Variants in KNL1 observed in about 807,000 individuals in gnomAD.
KNL1 encodes outer kinetochore KNL1 complex subunit KNL1.
A neutral mutation model predicts 201.3 loss-of-function variants in KNL1; 66 were observed. The ratio of observed to expected loss-of-function variants is 0.33; its 90% confidence interval spans 0.27 to 0.40. The LOEUF (loss-of-function observed/expected upper bound fraction) is 0.40, where lower values mean the gene tolerates loss of function less well. Ranked by LOEUF, KNL1 falls within the 10% of genes least tolerant of loss-of-function variation. The pLI is 1.00. For synonymous variants in KNL1, 895 were observed against 899.2 expected (o/e 1.00, Z 0.08); for missense variants, 2,815 against 2,690.5 (o/e 1.05, Z -1.02).
chr15:40,638,778 C>T (rs1893133410), intron 13 of KNL1, among the ~76,000 whole-genome samples: 2 of 151,914 alleles, frequency 1.3e-5, no homozygotes, highest in Non-Finnish European at 2.9e-5. Context: ...CAGGCGTGAG[C>T]CACCGCGCTG....
At chr15:40,605,364 C>G (rs773325218) in intron 3 of KNL1, among the ~76,000 whole-genome samples, 2 of 152,100 alleles carry the variant, frequency 1.3e-5, no homozygotes, top group Non-Finnish European at 2.9e-5. Context: ...GAATTTTATG[C>G]TATGTAAGTT....
chr15:40,629,445 G>A (rs1454183433), intron 13 of KNL1, 74 bp downstream of exon 13: 11 of 676,708 alleles, frequency 1.6e-5, no homozygotes, highest in Non-Finnish European at 2.1e-5. Flanking sequence ...GAATGGAAGA[G>A]AGCAAATTTT....
chr15:40,646,508 AAT>A (rs1172038579), intron 16 of KNL1, among the ~76,000 whole-genome samples: 2 of 151,940 alleles, frequency 1.3e-5, no homozygotes, highest in African/African-American at 4.8e-5. Context: ...ATTTTAATAA[AAT>A]TTACTTTTAT....
chr15:40,598,803 T>A (rs1428680657), intron 1 of KNL1, among the ~76,000 whole-genome samples: 1 of 152,116 alleles, frequency 6.6e-6, no homozygotes, highest in Non-Finnish European at 1.5e-5. Context: ...TAAAAAGAAA[T>A]TTTTTTAAAT....
At position 40,624,543 on chromosome 15, in the gene KNL1, A is replaced by C; in HGVS notation, c.4279A>C (p.Lys1427Gln). Residue 1427 changes from lysine (K) to glutamine (Q), a missense_variant, in exon 10 of 26, where the codon AAG becomes CAG. Coordinates refer to ENST00000399668, the MANE Select transcript of KNL1 (RefSeq NM_144508.5). ...NSKRVSFKLP[K>Q]DQMKVYVDDI... ...AAAGCGAGTATCTTTTAAGCTTCCA[A>C]AGGATCAAATGAAAGTCTATGTTGA... 1 of 1,613,866 alleles carries C rather than the reference A, an allele frequency of 6.2e-7. No individual in the cohort carries two copies. Among genetic ancestry groups the C allele is most frequent in the South Asian group, 1.1e-5 (1 of 91,074 alleles).
chr15:40,641,381 A>G (rs918979966), intron 14 of KNL1, among the ~76,000 whole-genome samples: 5 of 152,202 alleles, frequency 3.3e-5, no homozygotes, highest in Admixed American at 2.6e-4. Flanking sequence ...ATAAACAGTA[A>G]TTTTTAGATT....
At chr15:40,630,975 G>T (rs12912635) in intron 13 of KNL1, among the ~76,000 whole-genome samples, 58,709 of 151,648 alleles carry the variant, frequency 0.39, 11,559 homozygotes, top group Middle Eastern at 0.47. Context: ...AAAATTAGCT[G>T]GGCATGGTGG....
chr15:40,659,557 A>G (rs975906800), intron 25 of KNL1, 96 bp downstream of exon 25: 118 of 1,100,122 alleles, frequency 1.1e-4, no homozygotes, highest in Non-Finnish European at 1.4e-4. Context: ...TAGTGGCGCA[A>G]TCTCGGCTCA....
rs148162750 is a variant in KNL1 at position 40,648,720 on chromosome 15, A to G, written c.6095-1581A>G. Among the ~76,000 whole-genome samples the G allele has an allele frequency of 2.4e-3, 366 of 151,944 alleles. 2 individuals carry two copies. The highest frequency in any genetic ancestry group is 0.01 in the Middle Eastern group (3 of 294). On this transcript the variant is annotated intron_variant, in intron 17 of 25. Coordinates refer to ENST00000399668, the MANE Select transcript of KNL1 (RefSeq NM_144508.5). ...CATTATTCCACCTTCTTCCATTCCA[A>G]CCTGCACATTGCTGCCAGATTAATA...
At position 40,664,071 on chromosome 15, in the gene KNL1, G is replaced by C. The variant is rs1026556492; in HGVS notation, c.*1883G>C. 2.7e-5 allele frequency: 5 copies of C among 184,514 alleles called. No individual in the cohort carries two copies. The highest frequency in any genetic ancestry group is 1.2e-4 in the African/African-American group (5 of 42,592). The allele number at this position is 184,514 out of a possible 1,614,324, so 11.4% of individuals were successfully genotyped here. On this transcript the variant is annotated 3_prime_UTR_variant, in exon 26 of 26. Coordinates refer to ENST00000399668, the MANE Select transcript of KNL1 (RefSeq NM_144508.5). ...GAAACTTAAGTTAGCTTTCTTATTG[G>C]AGTTATTTCTTTTCTGTAAGTCTGA...
rs187703147 is a variant in KNL1, at chr15:40,636,129, C to T, written c.5683-4783C>T. Among the ~76,000 whole-genome samples the T allele has an allele frequency of 5.9e-5, 9 of 152,346 alleles. No homozygotes were observed. The East Asian group carries it at 1.5e-3, about 26-fold the overall frequency. ...CTGGGATTACAGGCGTGAGCCACCG[C>T]ACCCAGCTGGTTGAGAAATTATTGC... On this transcript the variant is annotated intron_variant, in intron 13 of 25. Coordinates refer to ENST00000399668, the MANE Select transcript of KNL1 (RefSeq NM_144508.5).
Position 40,625,332 on chromosome 15 carries a change from T to A in KNL1, c.5068T>A (p.Ser1690Thr), listed in dbSNP as rs768589201. The change falls in exon 10 of 26, where the codon TCT becomes ACT. Residue 1690 changes from serine (S) to threonine (T), a missense_variant. Physicochemically the swap from Ser to Thr is moderately conservative, Grantham distance 58. Transcript: ENST00000399668. ...AAATCACTTAGAAACTCAGCCGGTC[T>A]CTAGCAAAGATTCAGGCATTGGATC... ...DINHLETQPV[S>T]SKDSGIGSVA... 2.7e-5 allele frequency: 44 copies of A among 1,614,024 alleles called. No homozygotes were observed. The highest frequency in any genetic ancestry group is 3.6e-5 in the Non-Finnish European group (42 of 1,179,994).
chr15:40,647,129 T>G, intron 17 of KNL1, 55 bp downstream of exon 17: 2 of 853,674 alleles, frequency 2.3e-6, no homozygotes, highest in Non-Finnish European at 4.0e-6. Context: ...CTAAATGCTC[T>G]CCTACAGTAG....
At chr15:40,639,328 G>A (rs1427443628) in intron 13 of KNL1, among the ~76,000 whole-genome samples, 3 of 150,768 alleles carry the variant, frequency 2.0e-5, no homozygotes, top group Non-Finnish European at 3.0e-5. Context: ...GCTCATGTCT[G>A]TAATCCCAGC....
At chr15:40,641,049 TG>T in intron 14 of KNL1, 22 bp downstream of exon 14, 2 of 1,507,226 alleles carry the variant, frequency 1.3e-6, no homozygotes, top group Non-Finnish European at 1.8e-6. Context: ...TTAATTTTTA[TG>T]TGTGTTTTTT....
Position 40,621,602 on chromosome 15 carries a change from G to A in KNL1, c.1338G>A (p.Met446Ile), listed in dbSNP as rs1391300198. Residue 446 changes from methionine (M) to isoleucine (I), a missense_variant, in exon 10 of 26, where the codon ATG becomes ATA. By Grantham distance (10) the Met-to-Ile change is conservative (BLOSUM62 1). This residue lies in a region of KNL1 where 2,464 missense variants were observed against 2,291.7 expected (regional missense o/e 1.08). Transcript: ENST00000399668. ...AMEMTKCLSN[M>I]REEKNLLKHD... is the part of the protein sequence containing the mutation. ...AAATGACCAAATGTCTCTCAAATATGAGAGAGGAGAAAAATTTGCTAAAGC... is the reference window on the plus strand; with the variant it reads ...AAATGACCAAATGTCTCTCAAATATAAGAGAGGAGAAAAATTTGCTAAAGC... The A allele has an allele frequency of 2.2e-5, 35 of 1,610,842 alleles. No individual in the cohort carries two copies. Among genetic ancestry groups the A allele is most frequent in the Non-Finnish European group, 2.5e-5 (30 of 1,178,674 alleles).
rs1373809811 is a variant in KNL1, at chr15:40,662,793, C to T, written c.*605C>T. On this transcript the variant is annotated 3_prime_UTR_variant, in exon 26 of 26. Transcript: ENST00000399668. ...TGGGCAACATGGCAAAACCCCACCT[C>T]TACAAAAAATACGAAAGTTAGCCAG... 1 of 176,808 alleles carries T rather than the reference C, an allele frequency of 5.7e-6. No homozygotes were observed. The highest frequency in any genetic ancestry group is 1.2e-5 in the Non-Finnish European group (1 of 82,296). The allele number at this position is 176,808 out of a possible 1,614,324, so 11.0% of individuals were successfully genotyped here.
chr15:40,609,965 G>A (rs1892101160), intron 5 of KNL1, among the ~76,000 whole-genome samples: 1 of 152,162 alleles, frequency 6.6e-6, no homozygotes, highest in Non-Finnish European at 1.5e-5. Flanking sequence ...CTTTAACCTG[G>A]GAGATTGAGG....
intron 1 of KNL1, among the ~76,000 whole-genome samples, chr15:40,599,258 A>G (rs1891710042): frequency 6.7e-6 from 1 of 149,634 alleles, no homozygotes; most frequent in African/African-American, 2.5e-5. Context: ...GGTTGCAGTG[A>G]GCCAAAATTG....
Sources: gnomAD v4.1 joint callset for allele counts (sites outside exome capture counted in the v4.1 genomes callset) on GRCh38, gnomAD v4.1.1 for gene constraint, gnomAD v4.1.1 regional missense constraint, MANE v1.5 for transcripts, NCBI Gene and HGNC (gene_info 2026-07-23, HGNC 2026-07-21) for gene names.